The following ATP11A variants were observed in gnomAD, a reference collection of about 807,000 sequenced individuals.
ATP11A encodes phospholipid-transporting ATPase IH.
Under a neutral mutation model 154.4 loss-of-function variants are expected in ATP11A, and 81 were observed. That is an observed-to-expected ratio of 0.52 (90% CI 0.44 to 0.63). ATP11A has a LOEUF of 0.63. ATP11A is among the 30% of genes least tolerant of loss of function. The probability of loss-of-function intolerance (pLI) is 0.00; values close to 1 mark genes in which losing one functional copy is unlikely to be tolerated. For synonymous variants in ATP11A, 623 were observed against 585.9 expected (o/e 1.06, Z -0.91); for missense variants, 1,316 against 1,474.3 (o/e 0.89, Z 1.76).
intron 18 of ATP11A, among the ~76,000 whole-genome samples, chr13:112,853,843 A>G (rs2297800): frequency 3.3e-5 from 5 of 152,112 alleles, no homozygotes; most frequent in Non-Finnish European, 5.9e-5. Flanking sequence ...TGACAAACTT[A>G]GAACAGTTTA....
At chr13:112,730,136 G>T (rs981878408) in intron 1 of ATP11A, among the ~76,000 whole-genome samples, 2 of 152,194 alleles carry the variant, frequency 1.3e-5, no homozygotes, top group Non-Finnish European at 2.9e-5. Context: ...GGCCCACATA[G>T]ACCACGGACC....
intron 12 of ATP11A, among the ~76,000 whole-genome samples, chr13:112,828,777 C>T (rs73569043): frequency 0.011 from 1,663 of 152,292 alleles, 28 homozygotes; most frequent in African/African-American, 0.038. Flanking sequence ...CTGTTGCTCA[C>T]GGGGGACACA....
At position 112,885,145 on chromosome 13, in the gene ATP11A, A is replaced by G. The variant is rs578130098; in HGVS notation, c.*3279A>G. 6.6e-6 allele frequency: 1 copy of G among 152,366 alleles called. No homozygotes were observed. Among genetic ancestry groups the G allele is most frequent in the East Asian group, 1.9e-4 (1 of 5,184 alleles). The allele number at this position is 152,366 out of a possible 1,614,324, so 9.4% of individuals were successfully genotyped here. A position where few individuals can be genotyped will look rare whatever the true frequency, so the allele number is the denominator to read the frequency against. On this transcript the variant is annotated 3_prime_UTR_variant, in exon 30 of 30. Transcript: ENST00000375645. ...ACAGACATGCAGAACATGCACGTGT[A>G]CACATACCACAGACACGCGTGTGCA... is the stretch of plus-strand genomic sequence containing the variant.
At chr13:112,808,624 C>G (rs547416937) in intron 4 of ATP11A, among the ~76,000 whole-genome samples, 3 of 152,268 alleles carry the variant, frequency 2.0e-5, no homozygotes, top group Non-Finnish European at 2.9e-5. Flanking sequence ...GCTCCCGGCC[C>G]CTCCTCGCTT....
At chr13:112,854,638 C>T (rs2079871952) in intron 19 of ATP11A, 108 bp downstream of exon 19, 29 of 1,332,290 alleles carry the variant, frequency 2.2e-5, no homozygotes, top group East Asian at 7.3e-5. Context: ...ACTGGGAATT[C>T]GGTTCTCCCC....
In ATP11A at chr13:112,873,683, A is replaced by G. The variant is rs140034164; in HGVS notation, c.3161+7A>G. The G allele has an allele frequency of 1.0e-4, 160 of 1,598,982 alleles. No homozygotes were observed. In the East Asian group the frequency reaches 3.1e-3, roughly 31 times the overall value. On this transcript the variant is annotated splice_region_variant and intron_variant, in intron 27 of 29. Transcript: ENST00000375645. ...TCTGGGGAGGAGTGATCTGGTAAATATCTGATAAGTAGCTGATAATCTGAT... is the reference window on the plus strand; with the variant it reads ...TCTGGGGAGGAGTGATCTGGTAAATGTCTGATAAGTAGCTGATAATCTGAT...
At chr13:112,862,627 C>G in intron 25 of ATP11A, 52 bp downstream of exon 25, 1 of 1,610,532 alleles carries the variant, frequency 6.2e-7, no homozygotes, top group Non-Finnish European at 8.5e-7. Context: ...ATAAAGCCTC[C>G]CAAGCCCATA....
At chr13:112,881,840 C>T (rs199643298) in intron 29 of ATP11A, 36 bp from the exon 30 acceptor site, 7 of 1,367,474 alleles carry the variant, frequency 5.1e-6, no homozygotes, top group Middle Eastern at 2.1e-4. Context: ...GCCTCGGGAC[C>T]GCGACTCAGA....
At chr13:112,770,442 C>T (rs2077198474) in intron 1 of ATP11A, among the ~76,000 whole-genome samples, 2 of 152,184 alleles carry the variant, frequency 1.3e-5, no homozygotes, top group Non-Finnish European at 2.9e-5. Flanking sequence ...CCAGTCGTTA[C>T]CATGAGTGTG....
chr13:112,762,238 C>T (rs1025577091), intron 1 of ATP11A, among the ~76,000 whole-genome samples: 1 of 152,116 alleles, frequency 6.6e-6, no homozygotes, highest in South Asian at 2.1e-4. Flanking sequence ...GTCCTGCTGG[C>T]CTCCTATCAC....
chr13:112,840,169 C>T, intron 16 of ATP11A, among the ~76,000 whole-genome samples: 1 of 106,992 alleles, frequency 9.3e-6, no homozygotes, highest in East Asian at 3.1e-4. Flanking sequence ...CTCTCCCATC[C>T]CCCCCAGCCT....
intron 15 of ATP11A, among the ~76,000 whole-genome samples, chr13:112,835,015 C>T (rs140287066): frequency 4.5e-4 from 68 of 152,374 alleles, no homozygotes; most frequent in African/African-American, 1.0e-3. Flanking sequence ...TTTGCCTCCA[C>T]GAGGGGAGTG....
chr13:112,823,614 G>A (rs544992259), intron 9 of ATP11A, among the ~76,000 whole-genome samples: 36 of 152,314 alleles, frequency 2.4e-4, no homozygotes, highest in African/African-American at 7.7e-4. Flanking sequence ...TACGGCTTAC[G>A]GATTAAGGCC....
intron 3 of ATP11A, 118 bp downstream of exon 3, chr13:112,805,164 T>A (rs763385950): frequency 1.5e-6 from 1 of 673,378 alleles, no homozygotes; most frequent in Non-Finnish European, 2.4e-6. Context: ...CCCTCACCTA[T>A]GATTAATTTA....
chr13:112,725,456 C>T lies in ATP11A; in HGVS notation c.39+35001C>T, dbSNP rs143439888. 7.8e-4 allele frequency among the ~76,000 whole-genome samples: 119 copies of T among 152,336 alleles called. 1 individual carries two copies. Among genetic ancestry groups the T allele is most frequent in the Admixed American group, 1.7e-3 (26 of 15,306 alleles). On this transcript the variant is annotated intron_variant, in intron 1 of 29. Transcript: ENST00000375645. ...GCCCCTGCCACCTGGGTTTCTCAGC[C>T]GCTGCCTTCACTCACCCCTCCCCAC... is the stretch of plus-strand genomic sequence containing the variant.
At chr13:112,793,721 G>A (rs2077922695) in intron 2 of ATP11A, among the ~76,000 whole-genome samples, 1 of 152,260 alleles carries the variant, frequency 6.6e-6, no homozygotes, top group Non-Finnish European at 1.5e-5. Flanking sequence ...TGGTGCTGGA[G>A]CTGTGTTCAG....
chr13:112,727,840 C>T (rs914507060), intron 1 of ATP11A, among the ~76,000 whole-genome samples: 7 of 152,238 alleles, frequency 4.6e-5, no homozygotes, highest in Admixed American at 2.0e-4. Flanking sequence ...CGGCGCTGGG[C>T]GAGGAACTCG....
chr13:112,779,126 AGCC>A (rs2077429267), intron 1 of ATP11A, among the ~76,000 whole-genome samples: 3 of 34,782 alleles, frequency 8.6e-5, no homozygotes, highest in East Asian at 6.9e-4. Context: ...TGGAGTGAGT[AGCC>A]GCTGGAGTGA....
chr13:112,792,689 A>C (rs1321437725), intron 2 of ATP11A, among the ~76,000 whole-genome samples: 1 of 152,136 alleles, frequency 6.6e-6, no homozygotes, highest in African/African-American at 2.4e-5. Flanking sequence ...AAAACCTGAA[A>C]TGACAGCCCA....
Sources: gnomAD v4.1 joint callset for allele counts (sites outside exome capture counted in the v4.1 genomes callset) on GRCh38, gnomAD v4.1.1 for gene constraint, MANE v1.5 for transcripts, NCBI Gene and HGNC (gene_info 2026-07-23, HGNC 2026-07-21) for gene names.